The following LRMDA variants were observed in gnomAD, a reference collection of about 807,000 sequenced individuals.
LRMDA encodes leucine rich melanocyte differentiation associated, also known as leucine-rich melanocyte differentiation-associated protein.
A neutral mutation model predicts 29.8 loss-of-function variants in LRMDA; 18 were observed. That is an observed-to-expected ratio of 0.60 (90% CI 0.42 to 0.90). The LOEUF (loss-of-function observed/expected upper bound fraction) is 0.90. LRMDA is among the 40% of genes least tolerant of loss of function. The pLI is 0.00. For synonymous variants in LRMDA, 125 were observed against 109.4 expected (o/e 1.14, Z -0.89); for missense variants, 273 against 273.9 (o/e 1.00, Z 0.02).
At chr10:76,548,129 C>T (rs557736557) in intron 6 of LRMDA, among the ~76,000 whole-genome samples, 12 of 152,222 alleles carry the variant, frequency 7.9e-5, no homozygotes, top group African/African-American at 1.9e-4. Flanking sequence ...TCTTATAATT[C>T]AGGGATATTT....
chr10:75,701,698 G>A (rs1842310227), intron 2 of LRMDA, among the ~76,000 whole-genome samples: 1 of 152,156 alleles, frequency 6.6e-6, no homozygotes, highest in Non-Finnish European at 1.5e-5. Flanking sequence ...AGCTGAGTCA[G>A]CTCAGTCTTT....
In LRMDA at chr10:75,552,238, CTGTG is replaced by C. The variant is rs941187469; in HGVS notation, c.131+113748_131+113751del. Among the ~76,000 whole-genome samples the C allele has an allele frequency of 5.3e-5, 8 of 152,046 alleles. No homozygotes were observed. In the East Asian group the frequency reaches 7.7e-4, roughly 15 times the overall value. ...TGTTGGCAATGAATTTTTTCAGTTT[CTGTG>C]TGTCTGAAAAATTCTTTATCTTACC... On this transcript the variant is annotated intron_variant, in intron 2 of 6. Coordinates refer to ENST00000611255, the MANE Select transcript of LRMDA (RefSeq NM_001305581.2).
intron 5 of LRMDA, among the ~76,000 whole-genome samples, chr10:76,214,397 C>T (rs117998135): frequency 0.017 from 2,452 of 140,318 alleles, 34 homozygotes; most frequent in South Asian, 0.071. Context: ...GGACTGCGTC[C>T]GCAGTGGCGC....
intron 5 of LRMDA, among the ~76,000 whole-genome samples, chr10:76,306,329 A>G (rs1161405815): frequency 6.6e-6 from 1 of 152,246 alleles, no homozygotes; most frequent in African/African-American, 2.4e-5. Flanking sequence ...TTAGCAGCCT[A>G]GCAGAGCATT....
intron 6 of LRMDA, among the ~76,000 whole-genome samples, chr10:76,479,137 A>T (rs1842710855): frequency 6.6e-6 from 1 of 151,920 alleles, no homozygotes; most frequent in Non-Finnish European, 1.5e-5. Flanking sequence ...ATAAAAAAAG[A>T]CTAAAATAGA....
chr10:75,560,985 C>A (rs1015679135), intron 2 of LRMDA, among the ~76,000 whole-genome samples: 47 of 150,078 alleles, frequency 3.1e-4, no homozygotes, highest in African/African-American at 1.1e-3. Context: ...GGATATTGGT[C>A]TAAAATTCTC....
At chr10:75,712,560 G>A (rs1842449550) in intron 2 of LRMDA, among the ~76,000 whole-genome samples, 1 of 152,170 alleles carries the variant, frequency 6.6e-6, no homozygotes, top group South Asian at 2.1e-4. Flanking sequence ...ACAAAGCAGG[G>A]AACTGGATGT....
At chr10:76,110,455 C>T (rs2132112709) in intron 5 of LRMDA, among the ~76,000 whole-genome samples, 1 of 152,332 alleles carries the variant, frequency 6.6e-6, no homozygotes, top group African/African-American at 2.4e-5. Context: ...CAAATCAGGT[C>T]ATCCTCCTGC....
At chr10:76,117,632 C>T (rs1228105867) in intron 5 of LRMDA, among the ~76,000 whole-genome samples, 1 of 152,210 alleles carries the variant, frequency 6.6e-6, no homozygotes, top group East Asian at 1.9e-4. Context: ...AAGACTGGCT[C>T]TGTGGCCTTC....
chr10:75,515,753 G>T (rs375546197), intron 2 of LRMDA, among the ~76,000 whole-genome samples: 14 of 151,844 alleles, frequency 9.2e-5, no homozygotes, highest in African/African-American at 3.4e-4. Context: ...TGCACAATGT[G>T]CAGGTTTGTT....
intron 2 of LRMDA, among the ~76,000 whole-genome samples, chr10:75,854,155 A>G (rs1459525084): frequency 6.6e-6 from 1 of 152,180 alleles, no homozygotes; most frequent in African/African-American, 2.4e-5. Context: ...GCTCATGCGA[A>G]TGAGTGGCTC....
At chr10:76,000,953 A>G (rs1221226968) in intron 2 of LRMDA, among the ~76,000 whole-genome samples, 2 of 152,144 alleles carry the variant, frequency 1.3e-5, no homozygotes, top group Non-Finnish European at 2.9e-5. Flanking sequence ...AGGCCCCCTC[A>G]CGTTGATTCA....
intron 2 of LRMDA, among the ~76,000 whole-genome samples, chr10:75,976,721 A>C (rs964707511): frequency 1.3e-5 from 2 of 152,210 alleles, no homozygotes; most frequent in East Asian, 3.8e-4. Flanking sequence ...TATTATTATT[A>C]TTCCCATTTT....
At chr10:75,739,459 G>A (rs899837192) in intron 2 of LRMDA, among the ~76,000 whole-genome samples, 5 of 152,166 alleles carry the variant, frequency 3.3e-5, no homozygotes, top group African/African-American at 9.7e-5. Flanking sequence ...TGAGACTGAC[G>A]GGAAATCAAT....
chr10:75,578,215 C>CAAAAAAAAAAAAAAAAAAG, intron 2 of LRMDA, among the ~76,000 whole-genome samples: 1 of 14,228 alleles, frequency 7.0e-5, no homozygotes, highest in Admixed American at 1.6e-3. Flanking sequence ...AAATGGAAAG[C>CAAAAAAAAAAAAAAAAAAG]AAAAAAAAAA....
chr10:75,972,056 G>C (rs563129774), intron 2 of LRMDA, among the ~76,000 whole-genome samples: 3 of 152,320 alleles, frequency 2.0e-5, no homozygotes, highest in East Asian at 1.9e-4. Context: ...TGGCAAGAAA[G>C]GGGGAGTGAG....
Position 76,133,547 on chromosome 10 carries a change from T to C in LRMDA, c.516+74764T>C, listed in dbSNP as rs551018308. 7.9e-5 allele frequency among the ~76,000 whole-genome samples: 12 copies of C among 152,146 alleles called. No homozygotes were observed. In the East Asian group the frequency reaches 2.3e-3, roughly 30 times the overall value. On this transcript the variant is annotated intron_variant, in intron 5 of 6. Coordinates refer to ENST00000611255, the MANE Select transcript of LRMDA (RefSeq NM_001305581.2). ...CAGCAAACGCCAGACCACTCCCCAA[T>C]GTGTGGAGAGCGAGGAGGGGCCTGC...
intron 2 of LRMDA, among the ~76,000 whole-genome samples, chr10:75,616,305 G>C (rs1376724402): frequency 1.3e-5 from 2 of 152,196 alleles, no homozygotes; most frequent in Non-Finnish European, 1.5e-5. Context: ...AGTGGTGGTG[G>C]TGGTGTTTAT....
At chr10:76,052,354 C>T (rs946327992) in intron 4 of LRMDA, among the ~76,000 whole-genome samples, 1 of 152,182 alleles carries the variant, frequency 6.6e-6, no homozygotes, top group Non-Finnish European at 1.5e-5. Context: ...AACATGTCAG[C>T]CAACCCCATT....
Sources: gnomAD v4.1 joint callset for allele counts (sites outside exome capture counted in the v4.1 genomes callset) on GRCh38, gnomAD v4.1.1 for gene constraint, MANE v1.5 for transcripts, NCBI Gene and HGNC (gene_info 2026-07-23, HGNC 2026-07-21) for gene names.